ARIH1: variants seen among roughly 807,000 people sequenced by gnomAD.
ARIH1 encodes ariadne RBR E3 ubiquitin protein ligase 1, also known as E3 ubiquitin-protein ligase ARIH1.
In ARIH1, 8 loss-of-function variants were observed where a neutral mutation model predicts 85.0. The ratio of observed to expected loss-of-function variants is 0.09; its 90% CI spans 0.06 to 0.17. ARIH1 has a LOEUF of 0.17. Among genes scored for constraint, ARIH1 ranks in the 10% least tolerant of loss-of-function variants. ARIH1 has a pLI of 1.00. For synonymous variants in ARIH1, 238 were observed against 253.6 expected (o/e 0.94, Z 0.59); for missense variants, 311 against 718.1 (o/e 0.43, Z 6.48).
intron 2 of ARIH1, among the ~76,000 whole-genome samples, chr15:72,529,958 G>C (rs1963894): frequency 6.6e-6 from 1 of 152,024 alleles, no homozygotes; most frequent in East Asian, 1.9e-4. Flanking sequence ...TGGAGAAATA[G>C]TGATGGAAAA....
At chr15:72,527,504 C>CT (rs571017935) in intron 2 of ARIH1, among the ~76,000 whole-genome samples, 6,445 of 146,678 alleles carry the variant, frequency 0.044, 377 homozygotes, top group African/African-American at 0.14. Flanking sequence ...ACCTTGCTAG[C>CT]TTTTTTTTTT....
chr15:72,570,138 G>GT (rs761016790), intron 9 of ARIH1, 39 bp from the exon 10 acceptor site: 1 of 1,606,978 alleles, frequency 6.2e-7, no homozygotes, highest in Non-Finnish European at 8.5e-7. Flanking sequence ...ATGCAACCTA[G>GT]TGTAGCATTG....
chr15:72,488,254 T>C (rs1250071768), intron 1 of ARIH1, among the ~76,000 whole-genome samples: 12 of 152,078 alleles, frequency 7.9e-5, no homozygotes, highest in Admixed American at 6.6e-5. Context: ...TTGTTTTGTT[T>C]TTGGTAGAGA....
chr15:72,561,443 G>C, intron 5 of ARIH1, 40 bp from the exon 6 acceptor site: 2 of 1,412,952 alleles, frequency 1.4e-6, no homozygotes, highest in East Asian at 2.3e-5. Context: ...AAATACTCTT[G>C]ACTGGAAACT....
chr15:72,521,723 A>G (rs917222007), intron 2 of ARIH1, among the ~76,000 whole-genome samples: 1 of 151,462 alleles, frequency 6.6e-6, no homozygotes, highest in African/African-American at 2.4e-5. Context: ...TAATTTTTGT[A>G]TTTTTAGTAG....
Position 72,595,136 on chromosome 15 carries a change from A to G in ARIH1, c.*11844A>G, listed in dbSNP as rs1270919792. Reference sequence around the variant, plus strand: ...AGATGGTATGTTACAGGGGTTGGCAAACTGTGGCCCATGGGCCAGATCCAG... The same window carrying G: ...AGATGGTATGTTACAGGGGTTGGCAGACTGTGGCCCATGGGCCAGATCCAG... On this transcript the variant is annotated 3_prime_UTR_variant, in exon 14 of 14. Coordinates refer to ENST00000379887, the MANE Select transcript of ARIH1 (RefSeq NM_005744.5). 1 of 152,202 alleles carries G rather than the reference A, an allele frequency of 6.6e-6. No homozygotes were observed. Among genetic ancestry groups the G allele is most frequent in the Non-Finnish European group, 1.5e-5 (1 of 68,042 alleles). 9.4% of individuals were successfully genotyped at this position (152,202 alleles called of 1,614,324 possible).
At chr15:72,553,111 G>T (rs989847314) in intron 3 of ARIH1, among the ~76,000 whole-genome samples, 1 of 152,012 alleles carries the variant, frequency 6.6e-6, no homozygotes, top group Non-Finnish European at 1.5e-5. Context: ...CTCTGAACTT[G>T]TACTGTTAAA....
chr15:72,501,459 G>T (rs1386634323), intron 1 of ARIH1, among the ~76,000 whole-genome samples: 1 of 152,174 alleles, frequency 6.6e-6, no homozygotes, highest in Admixed American at 6.5e-5. Context: ...ATCAGTAAGT[G>T]TTTTGAGTTG....
At chr15:72,476,802 C>T (rs1049112982) in intron 1 of ARIH1, among the ~76,000 whole-genome samples, 2 of 152,102 alleles carry the variant, frequency 1.3e-5, no homozygotes, top group Non-Finnish European at 2.9e-5. Flanking sequence ...TAATATGGTT[C>T]CACGTTAATA....
intron 3 of ARIH1, among the ~76,000 whole-genome samples, chr15:72,554,517 G>A (rs186153688): frequency 1.3e-5 from 2 of 152,128 alleles, no homozygotes; most frequent in African/African-American, 4.8e-5. Context: ...CCCCTGAGTA[G>A]CTGGGATTAC....
chr15:72,502,160 T>C (rs549593040), intron 1 of ARIH1, among the ~76,000 whole-genome samples: 57 of 152,206 alleles, frequency 3.7e-4, no homozygotes, highest in Non-Finnish European at 6.9e-4. Flanking sequence ...GGTTTGCCGC[T>C]GAATTTTTAT....
At chr15:72,539,568 G>T (rs1337046831) in intron 2 of ARIH1, among the ~76,000 whole-genome samples, 2 of 152,198 alleles carry the variant, frequency 1.3e-5, no homozygotes, top group African/African-American at 4.8e-5. Flanking sequence ...AAAGGACAAA[G>T]AAGTAAGTAG....
At chr15:72,507,051 C>T (rs181080417) in intron 1 of ARIH1, among the ~76,000 whole-genome samples, 9 of 152,034 alleles carry the variant, frequency 5.9e-5, no homozygotes, top group East Asian at 1.9e-4. Flanking sequence ...GAAACGCAGT[C>T]GTGCCCTGTC....
chr15:72,521,691 G>A (rs1034616988), intron 2 of ARIH1, among the ~76,000 whole-genome samples: 5 of 152,026 alleles, frequency 3.3e-5, no homozygotes, highest in Non-Finnish European at 7.4e-5. Context: ...TGGGGTTACA[G>A]GCACCCACCA....
chr15:72,546,997 G>A (rs1020988786), intron 3 of ARIH1, among the ~76,000 whole-genome samples: 38 of 151,404 alleles, frequency 2.5e-4, no homozygotes, highest in Admixed American at 5.3e-4. Context: ...GTGCGATCTC[G>A]GCTCACTGCA....
rs1387581227 is a variant in ARIH1, at chr15:72,523,644, A to G, written c.443+5510A>G. On this transcript the variant is annotated intron_variant, in intron 2 of 13. Coordinates refer to ENST00000379887, the MANE Select transcript of ARIH1 (RefSeq NM_005744.5). ...ACATCAAATAAGAACCCTTATGTAAACTACAGACTTTGGGTAACAACGGTG... is the reference window on the plus strand; with the variant it reads ...ACATCAAATAAGAACCCTTATGTAAGCTACAGACTTTGGGTAACAACGGTG... Among the ~76,000 whole-genome samples, 3 of 152,104 alleles carry G rather than the reference A, an allele frequency of 2.0e-5. No homozygotes were observed. In the East Asian group the frequency reaches 5.8e-4, roughly 29 times the overall value.
chr15:72,478,007 T>C (rs905389807), intron 1 of ARIH1, among the ~76,000 whole-genome samples: 9 of 152,198 alleles, frequency 5.9e-5, no homozygotes, highest in Admixed American at 6.5e-5. Context: ...GGTTTCCCCA[T>C]GTTCATCATG....
intron 11 of ARIH1, among the ~76,000 whole-genome samples, chr15:72,580,177 G>A (rs1411418387): frequency 1.3e-5 from 2 of 152,084 alleles, no homozygotes; most frequent in East Asian, 1.9e-4. Context: ...ATATAAGCGA[G>A]ATCATGTAGT....
chr15:72,478,063 C>T (rs957097180), intron 1 of ARIH1, among the ~76,000 whole-genome samples: 2 of 152,182 alleles, frequency 1.3e-5, no homozygotes, highest in African/African-American at 4.8e-5. Flanking sequence ...TTCTCGGCCT[C>T]CCAAAGTGCT....
Sources: gnomAD v4.1 joint callset for allele counts (sites outside exome capture counted in the v4.1 genomes callset) on GRCh38, gnomAD v4.1.1 for gene constraint, MANE v1.5 for transcripts, NCBI Gene and HGNC (gene_info 2026-07-23, HGNC 2026-07-21) for gene names.